NOD1: variants seen among roughly 807,000 people sequenced by gnomAD.
NOD1 encodes the protein nucleotide-binding oligomerization domain-containing protein 1.
A neutral mutation model predicts 81.2 loss-of-function variants in NOD1; 70 were observed. That is an observed-to-expected ratio of 0.86 (90% CI 0.71 to 1.05). The LOEUF is 1.05. Ranked by LOEUF, NOD1 falls within the 50% of genes least tolerant of loss-of-function variation. NOD1 has a pLI of 0.00. For synonymous variants in NOD1, 508 were observed against 526.9 expected, an observed-to-expected ratio of 0.96 and a Z score of 0.49; for missense variants, 1,233 against 1,228.0, an observed-to-expected ratio of 1.00 and a Z score of -0.06.
rs1583714648 is a variant in NOD1, at chr7:30,446,079, C to T, written c.2453+62G>A. The T allele has an allele frequency of 6.1e-6, 8 of 1,309,180 alleles. No homozygotes were observed. In the South Asian group the frequency reaches 9.5e-5, roughly 16 times the overall value. 81.1% of individuals were successfully genotyped at this position (1,309,180 alleles called of 1,614,324 possible). ...GTGTACTGATGTATGAAAAGAACAG[C>T]AAGGCCCGCCCCCCACACACACAGC... On this transcript the variant is annotated intron_variant, in intron 9 of 13. Coordinates refer to ENST00000222823, the MANE Select transcript of NOD1 (RefSeq NM_006092.4).
Position 30,452,042 on chromosome 7 carries a change from T to A in NOD1, c.1375A>T (p.Thr459Ser), listed in dbSNP as rs1194280109. The A allele has an allele frequency of 1.9e-6, 3 of 1,613,382 alleles. No homozygotes were observed. Among genetic ancestry groups the A allele is most frequent in the East Asian group, 2.2e-5 (1 of 44,854 alleles). The stretch of plus-strand genomic sequence containing the variant: ...GCCACCTGCCCCAGCGAGCACAGAG[T>A]GTCCCGGCCGGCGTGGAGGGTCTCC... Reference protein sequence around the residue: ...PVETLHAGRDTLCSLGQVAHR... With the variant: ...PVETLHAGRDSLCSLGQVAHR... The change falls in exon 6 of 14, where the codon ACT becomes TCT. Residue 459 changes from threonine (T) to serine (S), a missense_variant. Coordinates refer to ENST00000222823, the MANE Select transcript of NOD1 (RefSeq NM_006092.4).
chr7:30,465,638 T>C (rs777444724), intron 1 of NOD1, among the ~76,000 whole-genome samples: 1 of 151,750 alleles, frequency 6.6e-6, no homozygotes, highest in Non-Finnish European at 1.5e-5. Flanking sequence ...CACCCAATTG[T>C]TGGGAATCAT....
At chr7:30,472,325 C>A (rs1314420635) in intron 1 of NOD1, among the ~76,000 whole-genome samples, 1 of 152,218 alleles carries the variant, frequency 6.6e-6, no homozygotes, top group Non-Finnish European at 1.5e-5. Flanking sequence ...ACCTCTGGGT[C>A]TTTGAACCCA....
intron 1 of NOD1, chr7:30,463,478 T>C (rs1210347018): frequency 6.6e-6 from 1 of 152,576 alleles, no homozygotes; most frequent in Non-Finnish European, 1.5e-5. Flanking sequence ...ATTATATTAA[T>C]ATCTCGTGAG....
rs780620789 is a variant in NOD1, at chr7:30,451,269, G to A, written c.2148C>T (p.Asn716=). 14 of 1,614,016 alleles carry A rather than the reference G, an allele frequency of 8.7e-6. 1 individual carries two copies. Among genetic ancestry groups the A allele is most frequent in the East Asian group, 4.5e-5 (2 of 44,896 alleles). ...GCTGCAGCTCCCGCACGCCGTAGTC[G>A]TTGAGATTGTTGTTGTCTAGGTCTA... ...LALDLDNNNL[N]DYGVRELQPC... The change falls in exon 6 of 14, where the codon AAC becomes AAT. Residue 716 remains asparagine, a synonymous_variant. Coordinates refer to ENST00000222823, the MANE Select transcript of NOD1 (RefSeq NM_006092.4). The surrounding 1 kb of genome is among the most constrained non-coding windows in gnomAD (Gnocchi z 4.2).
rs911010104 is a variant in NOD1, at chr7:30,451,281, G to C, written c.2136C>G (p.Asn712Lys). 6.2e-7 allele frequency: 1 copy of C among 1,614,178 alleles called. No individual in the cohort carries two copies. Among genetic ancestry groups the C allele is most frequent in the Non-Finnish European group, 8.5e-7 (1 of 1,180,048 alleles). The change falls in exon 6 of 14, where the codon AAC becomes AAG. Residue 712 changes from asparagine to lysine, a missense_variant. Physicochemically the swap from Asn to Lys is moderately conservative, Grantham distance 94. Transcript: ENST00000222823. The surrounding 1 kb of genome is among the most constrained non-coding windows in gnomAD (Gnocchi z 4.2). ...GCACGCCGTAGTCGTTGAGATTGTTGTTGTCTAGGTCTAGGGCCAGCCGCT... is the reference window on the plus strand; with the variant it reads ...GCACGCCGTAGTCGTTGAGATTGTTCTTGTCTAGGTCTAGGGCCAGCCGCT... ...FPKRLALDLD[N>K]NNLNDYGVRE...
chr7:30,445,648 A>T (rs1382464290), intron 9 of NOD1, among the ~76,000 whole-genome samples: 1 of 150,402 alleles, frequency 6.6e-6, no homozygotes, highest in Non-Finnish European at 1.5e-5. Context: ...AATCCCAGCT[A>T]CTCGTGTGGC....
intron 1 of NOD1, among the ~76,000 whole-genome samples, chr7:30,474,479 T>C (rs1020130830): frequency 6.6e-6 from 1 of 152,128 alleles, no homozygotes; most frequent in Non-Finnish European, 1.5e-5. Flanking sequence ...CAGCGGCGAG[T>C]AGGGGCACAG....
At chr7:30,436,903 T>C (rs1045966977) in intron 10 of NOD1, among the ~76,000 whole-genome samples, 3 of 152,338 alleles carry the variant, frequency 2.0e-5, no homozygotes, top group East Asian at 1.9e-4. Flanking sequence ...TAAATCATTC[T>C]GCTATAAAGA....
At chr7:30,459,799 T>C (rs1478304138) in intron 2 of NOD1, 102 bp downstream of exon 2, 1 of 152,646 alleles carries the variant, frequency 6.6e-6, no homozygotes, top group Non-Finnish European at 1.5e-5. Context: ...TGCAATGCCA[T>C]GCTCCATTCT....
intron 1 of NOD1, among the ~76,000 whole-genome samples, chr7:30,472,602 T>C (rs977877268): frequency 2.6e-5 from 4 of 152,222 alleles, no homozygotes; most frequent in Non-Finnish European, 5.9e-5. Context: ...GAACCCCCGA[T>C]TTGATGGTGT....
In NOD1 at chr7:30,437,608, C is replaced by A; in HGVS notation, c.2502G>T (p.Glu834Asp). Residue 834 changes from glutamate to aspartate, a missense_variant, in exon 10 of 14, where the codon GAG (glutamate) becomes GAT (aspartate). Physicochemically the swap from Glu to Asp is conservative, Grantham distance 45 (BLOSUM62 2). Coordinates refer to ENST00000222823, the MANE Select transcript of NOD1 (RefSeq NM_006092.4). ...VGDEGAKAFA[E>D]ALRNHPSLTT... ...TCAAGCTGGGGTGGTTCCGCAGAGCCTCTGCGAAGGCTTTTGCTCCTTCAT... is the reference window on the plus strand; with the variant it reads ...TCAAGCTGGGGTGGTTCCGCAGAGCATCTGCGAAGGCTTTTGCTCCTTCAT... 1 of 1,511,126 alleles carries A rather than the reference C, an allele frequency of 6.6e-7. No individual in the cohort carries two copies. Among genetic ancestry groups the A allele is most frequent in the Admixed American group, 2.8e-5 (1 of 35,620 alleles). The allele number at this position is 1,511,126 out of a possible 1,614,324, so 93.6% of individuals were successfully genotyped here.
Position 30,467,313 on chromosome 7 carries a change from C to A in NOD1, c.-351-7272G>T, listed in dbSNP as rs1372511109. On this transcript the variant is annotated intron_variant, in intron 1 of 13. Coordinates refer to ENST00000222823, the MANE Select transcript of NOD1 (RefSeq NM_006092.4). This position sits in a 1 kb window ranked among gnomAD's most constrained non-coding sequence, Gnocchi z 4.5. ...ATTACTTCTGGAAAGGGAGAGGACA[C>A]CAGGAGTAGGGTAGGACTTTTATTC... Among the ~76,000 whole-genome samples the A allele has an allele frequency of 6.6e-6, 1 of 151,642 alleles. No homozygotes were observed. Among genetic ancestry groups the A allele is most frequent in the African/African-American group, 2.4e-5 (1 of 41,296 alleles).
At chr7:30,446,515 C>G in intron 8 of NOD1, 5 of 453,708 alleles carry the variant, frequency 1.1e-5, no homozygotes, top group African/African-American at 2.0e-5. Flanking sequence ...ACTGACTTCC[C>G]TCGGGAGACC....
intron 1 of NOD1, chr7:30,476,131 TAGA>T (rs1788753805): frequency 6.6e-6 from 1 of 152,210 alleles, no homozygotes; most frequent in Admixed American, 6.5e-5. Flanking sequence ...ATAAGAATGA[TAGA>T]AGAAACTAGT....
chr7:30,452,571 G>A lies in NOD1; in HGVS notation c.846C>T (p.Thr282=), dbSNP rs1785880897. The change falls in exon 6 of 14, where the codon ACC becomes ACT. Residue 282 remains threonine, a synonymous_variant. Coordinates refer to ENST00000222823, the MANE Select transcript of NOD1 (RefSeq NM_006092.4). ...LLRFPHVALF[T]FDGLDELHSD... is the part of the protein sequence containing the mutation. ...AGTGCAGCTCGTCCAGGCCATCGAA[G>A]GTGAAGAGGGCCACGTGGGGGAAGC... The A allele has an allele frequency of 1.2e-6, 2 of 1,613,344 alleles. No individual in the cohort carries two copies. Among genetic ancestry groups the A allele is most frequent in the African/African-American group, 2.7e-5 (2 of 74,942 alleles).
At chr7:30,469,866 A>G (rs544546874) in intron 1 of NOD1, among the ~76,000 whole-genome samples, 1 of 152,350 alleles carries the variant, frequency 6.6e-6, no homozygotes, top group South Asian at 2.1e-4. Context: ...TGGCCAGAGT[A>G]GCCTCCTCAG....
intron 10 of NOD1, among the ~76,000 whole-genome samples, chr7:30,437,256 G>A (rs1784459219): frequency 6.6e-6 from 1 of 152,072 alleles, no homozygotes; most frequent in East Asian, 1.9e-4. Context: ...CAAGCATTAG[G>A]ACAAATACCT....
chr7:30,468,852 G>A, intron 1 of NOD1: 2 of 985,426 alleles, frequency 2.0e-6, no homozygotes, highest in Non-Finnish European at 2.4e-6. Flanking sequence ...AAGTAAAGAA[G>A]ATAATTATAC....
Sources: allele counts gnomAD v4.1 joint callset (sites outside exome capture counted in the v4.1 genomes callset), GRCh38; gene constraint gnomAD v4.1.1; non-coding constraint Gnocchi (gnomAD v3.1); transcripts MANE v1.5; gene names NCBI Gene and HGNC (gene_info 2026-07-23, HGNC 2026-07-21).